Variants in UBR1 observed in about 807,000 individuals in gnomAD.
UBR1 encodes ubiquitin protein ligase E3 component n-recognin 1, also known as E3 ubiquitin-protein ligase UBR1.
A neutral mutation model predicts 242.1 loss-of-function variants in UBR1; 102 were observed. The observed-to-expected ratio is 0.42, with a 90% CI of 0.36 to 0.50. The LOEUF (loss-of-function observed/expected upper bound fraction) is 0.50, where lower values mean the gene tolerates loss of function less well. UBR1 is among the 20% of genes least tolerant of loss of function. The pLI, the probability that UBR1 is intolerant of heterozygous loss-of-function variation, is 0.01. For synonymous variants in UBR1, 675 were observed against 684.8 expected, an observed-to-expected ratio of 0.99 and a Z score of 0.22; for missense variants, 1,772 against 2,101.8, an observed-to-expected ratio of 0.84 and a Z score of 3.07.
chr15:43,019,093 G>A (rs912638166), intron 27 of UBR1, among the ~76,000 whole-genome samples: 15 of 151,134 alleles, frequency 9.9e-5, no homozygotes, highest in Non-Finnish European at 5.9e-5. Flanking sequence ...ACGGAGTCTC[G>A]CTTTGTCGCC....
chr15:43,014,053 CG>C (rs1467729995), intron 29 of UBR1, among the ~76,000 whole-genome samples: 2 of 152,258 alleles, frequency 1.3e-5, no homozygotes, highest in Non-Finnish European at 2.9e-5. Context: ...GACTGGTTTT[CG>C]TATTTTTTTG....
chr15:42,962,037 G>A (rs751709791), intron 42 of UBR1, among the ~76,000 whole-genome samples: 20 of 151,250 alleles, frequency 1.3e-4, no homozygotes, highest in East Asian at 5.8e-4. Flanking sequence ...GTGAGCCACC[G>A]CACCCAACCT....
intron 3 of UBR1, among the ~76,000 whole-genome samples, chr15:43,081,870 T>C (rs1487904161): frequency 2.6e-5 from 4 of 152,058 alleles, no homozygotes; most frequent in Non-Finnish European, 4.4e-5. Context: ...TATTTACACA[T>C]AAAGGCATTT....
chr15:43,016,786 A>G (rs1295814376), intron 28 of UBR1, among the ~76,000 whole-genome samples: 1 of 152,366 alleles, frequency 6.6e-6, no homozygotes, highest in East Asian at 1.9e-4. Flanking sequence ...CATGTTGGCC[A>G]GGCTGGTCTT....
chr15:43,003,043 A>C (rs1418739824), intron 31 of UBR1, among the ~76,000 whole-genome samples: 8 of 152,224 alleles, frequency 5.3e-5, no homozygotes, highest in African/African-American at 9.6e-5. Flanking sequence ...CTATCATGGA[A>C]AAATTATATA....
intron 8 of UBR1, 79 bp downstream of exon 8, chr15:43,059,623 C>T: frequency 7.4e-7 from 1 of 1,350,204 alleles, no homozygotes; most frequent in Non-Finnish European, 1.0e-6. Context: ...TTATTTCATA[C>T]TCAATGACAT....
intron 24 of UBR1, 117 bp from the exon 25 acceptor site, chr15:43,025,100 A>C: frequency 7.6e-7 from 1 of 1,316,294 alleles, no homozygotes; most frequent in Non-Finnish European, 1.1e-6. Flanking sequence ...AAAACAACAC[A>C]TGCTTTTTTG....
intron 30 of UBR1, 144 bp from the exon 31 acceptor site, chr15:43,004,074 T>C: frequency 1.3e-6 from 1 of 741,116 alleles, no homozygotes. Context: ...AGAAAAGTAA[T>C]AGTAACAAAA....
rs774341055 is a variant in UBR1 at position 43,048,423 on chromosome 15, C to G, written c.1508G>C (p.Arg503Pro). ...ACAGGTAAGAATCTTCAAAAAAGAT[C>G]GAAAACCTTCAAGGAACTGCATTCT... Reference protein sequence around the residue: ...RLRMQFLEGFRSFLKILTCMQ... With the variant: ...RLRMQFLEGFPSFLKILTCMQ... Residue 503 changes from arginine to proline, a missense_variant, in exon 13 of 47, where the codon CGA becomes CCA. By Grantham distance (103) the Arg-to-Pro change is moderately radical. Coordinates refer to ENST00000290650, the MANE Select transcript of UBR1 (RefSeq NM_174916.3). The G allele has an allele frequency of 6.2e-7, 1 of 1,613,456 alleles. No individual in the cohort carries two copies.
At chr15:42,978,998 G>A (rs551164439) in intron 37 of UBR1, among the ~76,000 whole-genome samples, 6 of 149,736 alleles carry the variant, frequency 4.0e-5, no homozygotes, top group Non-Finnish European at 8.9e-5. Flanking sequence ...GGGTTCAAGC[G>A]ATTCTCTTGC....
Position 42,950,311 on chromosome 15 carries a change from A to G in UBR1, c.5059T>C (p.Tyr1687His), listed in dbSNP as rs771784188. The stretch of plus-strand genomic sequence containing the variant: ...TATTCATCCAAGTAAGGAGCTGGAT[A>G]GGCACAGCCTCTGGCTTTACCTTCA... ...LVEGKARGCA[Y>H]PAPYLDEYGE... The change falls in exon 46 of 47, where the codon TAT becomes CAT. Residue 1687 changes from tyrosine (Y) to histidine (H), a missense_variant. By Grantham distance (83) the Tyr-to-His change is moderately conservative (BLOSUM62 2). Around this residue, in one of 3 missense-constraint regions of UBR1, gnomAD observed 965 missense variants for 1,079.7 expected, o/e 0.89. Transcript: ENST00000290650. 2 of 1,614,222 alleles carry G rather than the reference A, an allele frequency of 1.2e-6. No homozygotes were observed. The highest frequency in any genetic ancestry group is 4.5e-5 in the East Asian group (2 of 44,878).
chr15:43,081,695 T>G (rs908693838), intron 3 of UBR1, among the ~76,000 whole-genome samples: 1 of 152,148 alleles, frequency 6.6e-6, no homozygotes, highest in African/African-American at 2.4e-5. Flanking sequence ...AAGAGTTCTT[T>G]GTATAATTTT....
At chr15:42,961,085 T>G in intron 42 of UBR1, among the ~76,000 whole-genome samples, 1 of 148,476 alleles carries the variant, frequency 6.7e-6, no homozygotes, top group African/African-American at 2.5e-5. Flanking sequence ...ATTCTTTCTG[T>G]CCCTTCTTTC....
Position 43,012,422 on chromosome 15 carries a change from A to G in UBR1, c.3209+3266T>C, listed in dbSNP as rs188598073. ...CATAGAAAGAGGTCTAAGAACAATG[A>G]TAATTTGTAATCATGGTTATGTGTG... On this transcript the variant is annotated intron_variant, in intron 29 of 46. Transcript: ENST00000290650. Among the ~76,000 whole-genome samples the G allele has an allele frequency of 1.4e-3, 218 of 152,294 alleles. 1 individual carries two copies. Among genetic ancestry groups the G allele is most frequent in the African/African-American group, 4.2e-3 (175 of 41,560 alleles).
intron 11 of UBR1, among the ~76,000 whole-genome samples, chr15:43,055,759 AC>A (rs1238345189): frequency 6.6e-6 from 1 of 152,122 alleles, no homozygotes; most frequent in African/African-American, 2.4e-5. Context: ...TACTAAAAAT[AC>A]AAAAATCAAC....
chr15:42,997,735 TATA>T lies in UBR1; in HGVS notation c.3757+430_3757+432del, dbSNP rs550000718. Among the ~76,000 whole-genome samples, 31 of 152,342 alleles carry T rather than the reference TATA, an allele frequency of 2.0e-4. No individual in the cohort carries two copies. In the South Asian group the frequency reaches 6.2e-3, roughly 31 times the overall value. ...GTACCATGGACTATTCTACTTTACATATAATAACTCTGCTAATCCTTCAACCAA... is the reference window on the plus strand; with the variant it reads ...GTACCATGGACTATTCTACTTTACATATAACTCTGCTAATCCTTCAACCAA... On this transcript the variant is annotated intron_variant, in intron 33 of 46. Coordinates refer to ENST00000290650, the MANE Select transcript of UBR1 (RefSeq NM_174916.3).
At position 43,082,715 on chromosome 15, in the gene UBR1, C is replaced by T. The variant is rs1052837637; in HGVS notation, c.340G>A (p.Asp114Asn). 1 of 1,613,562 alleles carries T rather than the reference C, an allele frequency of 6.2e-7. No homozygotes were observed. The highest frequency in any genetic ancestry group is 2.2e-5 in the East Asian group (1 of 44,810). Residue 114 changes from aspartate to asparagine, a missense_variant and splice_region_variant, in exon 3 of 47, where the codon GAT becomes AAT. Asp to Asn is a conservative substitution (Grantham distance 23). Transcript: ENST00000290650. Reference sequence around the variant, plus strand: ...ACACATGTTGGATCAATTGCACAATCCCTGAAAAAGATCAGAAATCAGATT... The same window carrying T: ...ACACATGTTGGATCAATTGCACAATTCCTGAAAAAGATCAGAAATCAGATT... ...KSGETTYSCR[D>N]CAIDPTCVLC...
chr15:42,989,140 TG>T, intron 34 of UBR1, among the ~76,000 whole-genome samples, 173 bp from the exon 35 acceptor site: 1 of 152,298 alleles, frequency 6.6e-6, no homozygotes, highest in African/African-American at 2.4e-5. Context: ...GGAAAAAAAT[TG>T]GAAGAGCAGA....
chr15:43,008,247 C>G (rs894342049), intron 29 of UBR1, among the ~76,000 whole-genome samples: 3 of 152,264 alleles, frequency 2.0e-5, no homozygotes, highest in African/African-American at 7.2e-5. Flanking sequence ...GTTTGCAGGG[C>G]AGAAGCCCCG....
Sources: allele counts gnomAD v4.1 joint callset (sites outside exome capture counted in the v4.1 genomes callset), GRCh38; gene constraint gnomAD v4.1.1; regional missense constraint gnomAD v4.1.1; transcripts MANE v1.5; gene names NCBI Gene and HGNC (gene_info 2026-07-23, HGNC 2026-07-21).